The following RNF43 variants were observed in gnomAD, a reference collection of about 807,000 sequenced individuals.
RNF43 encodes the protein E3 ubiquitin-protein ligase RNF43.
RNF43 carries 37 observed loss-of-function variants against 78.4 expected under a neutral mutation model. That is an observed-to-expected ratio of 0.47 (90% CI 0.36 to 0.62). The LOEUF (loss-of-function observed/expected upper bound fraction) is 0.62. RNF43 is among the 20% of genes least tolerant of loss of function. The pLI is 0.00. For missense variants in RNF43, 774 were observed against 1,007.9 expected (o/e 0.77, Z 3.14); for synonymous variants, 347 against 395.0 (o/e 0.88, Z 1.44).
chr17:58,413,184 A>T (rs1974058721), intron 2 of RNF43, among the ~76,000 whole-genome samples: 1 of 152,202 alleles, frequency 6.6e-6, no homozygotes, highest in Admixed American at 6.5e-5. Context: ...CATGGATTCC[A>T]GAAGTGTAAA....
In RNF43 at chr17:58,415,819, T is replaced by G; in HGVS notation, c.-242A>C. ...CATCTGCTGCAGGTATGTCATTTTC[T>G]CCCATCTTCACTGTGACTAGTAAAG... is the stretch of plus-strand genomic sequence containing the variant. On this transcript the variant is annotated 5_prime_UTR_variant, in exon 2 of 10. Transcript: ENST00000407977. 1.8e-6 allele frequency: 1 copy of G among 560,804 alleles called. No individual in the cohort carries two copies. The allele number at this position is 560,804 out of a possible 1,614,324, so 34.7% of individuals were successfully genotyped here.
rs60382535 is a variant in RNF43 at position 58,366,992 on chromosome 17, A to ATTT, written c.376-3395_376-3393dup. Among the ~76,000 whole-genome samples the ATTT allele has an allele frequency of 9.4e-3, 1,158 of 122,768 alleles. 46 individuals carry two copies. The highest frequency in any genetic ancestry group is 0.03 in the African/African-American group (931 of 31,304). The allele number at this position is 122,768 out of a possible 152,430, so 80.5% of individuals were successfully genotyped here. The stretch of plus-strand genomic sequence containing the variant: ...AGGCATACACCACAAGGCCCGGCTA[A>ATTT]TTTTTTTTTTTTTTTTTTTTGAGAC... On this transcript the variant is annotated intron_variant, in intron 3 of 9. Transcript: ENST00000407977.
At chr17:58,366,470 G>T (rs1033956313) in intron 3 of RNF43, among the ~76,000 whole-genome samples, 2 of 152,208 alleles carry the variant, frequency 1.3e-5, no homozygotes, top group African/African-American at 4.8e-5. Flanking sequence ...TGCTCCTACT[G>T]GGCTGGCTGG....
At chr17:58,372,644 A>G (rs1222189070) in intron 2 of RNF43, among the ~76,000 whole-genome samples, 1 of 152,334 alleles carries the variant, frequency 6.6e-6, no homozygotes, top group South Asian at 2.1e-4. Context: ...GCCTTAAAGC[A>G]GCTCAAAAGA....
chr17:58,365,752 G>T (rs1275600588), intron 3 of RNF43, among the ~76,000 whole-genome samples: 1 of 152,140 alleles, frequency 6.6e-6, no homozygotes, highest in East Asian at 1.9e-4. Flanking sequence ...GTACTTATTT[G>T]GGTACTGGAA....
At chr17:58,380,887 C>T (rs1469031860) in intron 2 of RNF43, among the ~76,000 whole-genome samples, 1 of 152,238 alleles carries the variant, frequency 6.6e-6, no homozygotes, top group Non-Finnish European at 1.5e-5. Context: ...TGCTGTCTTC[C>T]ACAACTGGCT....
rs2143401818 is a variant in RNF43, at chr17:58,358,043, G to C, written c.1733C>G (p.Ser578Cys). Residue 578 changes from serine (S) to cysteine (C), a missense_variant, in exon 9 of 10, where the codon TCC (serine) becomes TGC (cysteine). Coordinates refer to ENST00000407977, the MANE Select transcript of RNF43 (RefSeq NM_017763.6). This position sits in a 1 kb window ranked among gnomAD's most constrained non-coding sequence, Gnocchi z 6.2. ...CTGTGTCCGAGGAATAGGAGGCCTG[G>C]ACTGGGGGACTCCGGTTTCTGGGCC... ...KPGPETGVPQSRPPIPRTQPQ... is the reference protein window; with the variant it reads ...KPGPETGVPQCRPPIPRTQPQ... 1 of 1,590,710 alleles carries C rather than the reference G, an allele frequency of 6.3e-7. No individual in the cohort carries two copies. Among genetic ancestry groups the C allele is most frequent in the African/African-American group, 1.3e-5 (1 of 74,308 alleles).
At chr17:58,411,316 C>G (rs188814746) in intron 2 of RNF43, among the ~76,000 whole-genome samples, 9 of 152,092 alleles carry the variant, frequency 5.9e-5, no homozygotes, top group African/African-American at 2.2e-4. Flanking sequence ...AAAAGTCAAG[C>G]CCCCCAAGTC....
chr17:58,410,682 T>C (rs2048635724), intron 2 of RNF43, among the ~76,000 whole-genome samples: 1 of 152,260 alleles, frequency 6.6e-6, no homozygotes, highest in Non-Finnish European at 1.5e-5. Context: ...ACTTTTAAAA[T>C]GAAGAGAAAG....
At chr17:58,371,123 G>GT in intron 2 of RNF43, 90 bp from the exon 3 acceptor site, 2 of 1,312,980 alleles carry the variant, frequency 1.5e-6, no homozygotes, top group Admixed American at 4.9e-5. Flanking sequence ...TTCTAGGGAG[G>GT]TACCAGGCAG....
At position 58,358,157 on chromosome 17, in the gene RNF43, C is replaced by T. The variant is rs1567873334; in HGVS notation, c.1619G>A (p.Gly540Glu). The change falls in exon 9 of 10, where the codon GGG (glycine) becomes GAG (glutamate). Residue 540 changes from glycine to glutamate, a missense_variant. Transcript: ENST00000407977. The surrounding 1 kb of genome is among the most constrained non-coding windows in gnomAD (Gnocchi z 6.2). Reference protein sequence around the residue: ...PRSLDSVVPTGETQVSSHVHY... With the variant: ...PRSLDSVVPTEETQVSSHVHY... ...GACATGGCTGGAAACCTGGGTTTCC[C>T]CTGTGGGCACCACCGAGTCCAAGGA... The T allele has an allele frequency of 1.2e-6, 2 of 1,612,504 alleles. No homozygotes were observed. The highest frequency in any genetic ancestry group is 1.7e-6 in the Non-Finnish European group (2 of 1,179,520).
rs1444797060 is a variant in RNF43 at position 58,363,260 on chromosome 17, G to T, written c.582+15C>A. ...GCTAAGTGCAGGGCAAGGTCTGGAGGTCTAGTGTGCTTACCCAGGCCGGGG... is the reference window on the plus strand; with the variant it reads ...GCTAAGTGCAGGGCAAGGTCTGGAGTTCTAGTGTGCTTACCCAGGCCGGGG... On this transcript the variant is annotated intron_variant, in intron 5 of 9. Transcript: ENST00000407977. The T allele has an allele frequency of 6.2e-7, 1 of 1,612,338 alleles. No individual in the cohort carries two copies. Among genetic ancestry groups the T allele is most frequent in the Non-Finnish European group, 8.5e-7 (1 of 1,179,968 alleles).
chr17:58,409,152 TG>T (rs1487407186), intron 2 of RNF43, among the ~76,000 whole-genome samples: 3 of 152,232 alleles, frequency 2.0e-5, no homozygotes, highest in Non-Finnish European at 4.4e-5. Context: ...CAAACCAGAC[TG>T]GCTCAGTCTC....
At chr17:58,415,117 T>C (rs760258163) in intron 2 of RNF43, among the ~76,000 whole-genome samples, 1 of 152,208 alleles carries the variant, frequency 6.6e-6, no homozygotes, top group Non-Finnish European at 1.5e-5. Flanking sequence ...AAGCAGATAA[T>C]CTTCTAAAAT....
At chr17:58,364,141 G>A (rs1034098469) in intron 3 of RNF43, among the ~76,000 whole-genome samples, 1 of 152,186 alleles carries the variant, frequency 6.6e-6, no homozygotes, top group African/African-American at 2.4e-5. Context: ...CCACTCTCAC[G>A]CAAGGCCACC....
intron 3 of RNF43, 146 bp downstream of exon 3, chr17:58,370,765 C>T (rs1452236746): frequency 8.7e-6 from 8 of 923,782 alleles, no homozygotes; most frequent in Non-Finnish European, 1.2e-5. Context: ...ATTTCCACTT[C>T]TCTCAGACCA....
rs968603809 is a variant in RNF43 at position 58,414,761 on chromosome 17, C to T, written c.252+565G>A. ...CCAAAGTGATCAGGAGGCAGGTTTA[C>T]ACCTTGTGTCCATTTTGTAATCCAG... On this transcript the variant is annotated intron_variant, in intron 2 of 9. Transcript: ENST00000407977. Among the ~76,000 whole-genome samples the T allele has an allele frequency of 3.9e-5, 6 of 152,312 alleles. No individual in the cohort carries two copies. In the East Asian group the frequency reaches 7.7e-4, roughly 20 times the overall value.
intron 3 of RNF43, among the ~76,000 whole-genome samples, chr17:58,370,521 CT>C (rs1481499374): frequency 2.0e-5 from 3 of 152,156 alleles, no homozygotes; most frequent in South Asian, 2.1e-4. Flanking sequence ...AAAGTGTGAA[CT>C]TTTTAAGGGT....
chr17:58,357,950 C>G lies in RNF43; in HGVS notation c.1826G>C (p.Arg609Pro), dbSNP rs759694077. 1.2e-6 allele frequency: 2 copies of G among 1,611,970 alleles called. No individual in the cohort carries two copies. Among genetic ancestry groups the G allele is most frequent in the South Asian group, 1.1e-5 (1 of 90,840 alleles). The change falls in exon 9 of 10, where the codon CGG becomes CCG. Residue 609 changes from arginine to proline, a missense_variant. Arg to Pro is a moderately radical substitution (Grantham distance 103, BLOSUM62 -2). Transcript: ENST00000407977. This position sits in a 1 kb window ranked among gnomAD's most constrained non-coding sequence, Gnocchi z 4.5. ...CCTGGGGCACTGTGGGTTAGAGAGCCGCCCCGAAGGGGCTGCTGAGTTGGA... is the reference window on the plus strand; with the variant it reads ...CCTGGGGCACTGTGGGTTAGAGAGCGGCCCCGAAGGGGCTGCTGAGTTGGA... ...TRSNSAAPSG[R>P]LSNPQCPRAL...
Sources: allele counts gnomAD v4.1 joint callset (sites outside exome capture counted in the v4.1 genomes callset), GRCh38; gene constraint gnomAD v4.1.1; non-coding constraint Gnocchi (gnomAD v3.1); transcripts MANE v1.5; gene names NCBI Gene and HGNC (gene_info 2026-07-23, HGNC 2026-07-21).